Variants in CAMKMT observed in about 807,000 individuals in gnomAD.
CAMKMT encodes calmodulin-lysine N-methyltransferase.
A neutral mutation model predicts 48.0 loss-of-function variants in CAMKMT; 53 were observed. That is an observed-to-expected ratio of 1.10 (90% CI 0.89 to 1.39). CAMKMT has a LOEUF of 1.39. Ranked by LOEUF, CAMKMT falls within the 40% of genes most tolerant of loss-of-function variation. The probability of loss-of-function intolerance (pLI) is 0.00; values close to 1 mark genes in which losing one functional copy is unlikely to be tolerated. For synonymous variants in CAMKMT, 165 were observed against 152.3 expected (o/e 1.08, Z -0.61); for missense variants, 428 against 402.7 (o/e 1.06, Z -0.54).
At chr2:44,475,883 C>T (rs1668663933) in intron 3 of CAMKMT, among the ~76,000 whole-genome samples, 1 of 152,202 alleles carries the variant, frequency 6.6e-6, no homozygotes, top group South Asian at 2.1e-4. Flanking sequence ...TGACTGCATT[C>T]TCTGAGAACC....
intron 3 of CAMKMT, among the ~76,000 whole-genome samples, chr2:44,445,010 G>T (rs1412448100): frequency 6.6e-6 from 1 of 152,160 alleles, no homozygotes; most frequent in Non-Finnish European, 1.5e-5. Flanking sequence ...GGGATCTAGA[G>T]GCAGATGATA....
intron 3 of CAMKMT, among the ~76,000 whole-genome samples, chr2:44,625,495 A>T (rs1241705110): frequency 6.6e-6 from 1 of 152,030 alleles, no homozygotes; most frequent in Non-Finnish European, 1.5e-5. Flanking sequence ...CTGTCTTTTT[A>T]AGAGCAGAAG....
chr2:44,548,389 G>T (rs1667517555), intron 3 of CAMKMT, among the ~76,000 whole-genome samples: 1 of 152,166 alleles, frequency 6.6e-6, no homozygotes, highest in East Asian at 1.9e-4. Flanking sequence ...TTCTAAGCTA[G>T]AAAGCCATGG....
chr2:44,411,517 T>C (rs1390250287), intron 3 of CAMKMT, among the ~76,000 whole-genome samples: 1 of 152,206 alleles, frequency 6.6e-6, no homozygotes, highest in Non-Finnish European at 1.5e-5. Context: ...TTAGGTAACC[T>C]ACAGATTCTC....
At chr2:44,569,786 G>T (rs1668809983) in intron 3 of CAMKMT, among the ~76,000 whole-genome samples, 2 of 152,176 alleles carry the variant, frequency 1.3e-5, no homozygotes, top group Non-Finnish European at 2.9e-5. Flanking sequence ...CAAATAAAAT[G>T]CTCTTTGTTG....
Position 44,741,430 on chromosome 2 carries a change from G to C in CAMKMT, c.624-2192G>C, listed in dbSNP as rs1196190964. Among the ~76,000 whole-genome samples the C allele has an allele frequency of 2.0e-5, 3 of 152,190 alleles. No homozygotes were observed. The South Asian group carries it at 6.2e-4, about 32-fold the overall frequency. On this transcript the variant is annotated intron_variant, in intron 7 of 10. Transcript: ENST00000378494. ...CATGAACAATACAACTCCAGGTACT[G>C]TATGAATGGTGCTCTTAGAATGTTC... is the stretch of plus-strand genomic sequence containing the variant.
chr2:44,601,790 T>C (rs920364088), intron 3 of CAMKMT, among the ~76,000 whole-genome samples: 8 of 151,978 alleles, frequency 5.3e-5, no homozygotes, highest in Non-Finnish European at 1.0e-4. Context: ...TCCTCTCAAT[T>C]CTCTTAATTA....
Position 44,524,817 on chromosome 2 carries a change from A to G in CAMKMT, c.376+134512A>G, listed in dbSNP as rs1446184098. Reference sequence around the variant, plus strand: ...TTAATCCACCAGGCCTTGGCACAGTACTTGGAATCCAGCAAATGTTTTTGG... The same window carrying G: ...TTAATCCACCAGGCCTTGGCACAGTGCTTGGAATCCAGCAAATGTTTTTGG... On this transcript the variant is annotated intron_variant, in intron 3 of 10. Coordinates refer to ENST00000378494, the MANE Select transcript of CAMKMT (RefSeq NM_024766.5). 3.3e-5 allele frequency among the ~76,000 whole-genome samples: 5 copies of G among 152,330 alleles called. No individual in the cohort carries two copies. The East Asian group carries it at 5.8e-4, about 18-fold the overall frequency.
At chr2:44,543,497 G>C (rs1371544538) in intron 3 of CAMKMT, among the ~76,000 whole-genome samples, 1 of 152,146 alleles carries the variant, frequency 6.6e-6, no homozygotes, top group African/African-American at 2.4e-5. Flanking sequence ...CAGGATTAAG[G>C]CTACAAAGAA....
chr2:44,622,254 C>A (rs146986321), intron 3 of CAMKMT, among the ~76,000 whole-genome samples: 1 of 152,110 alleles, frequency 6.6e-6, no homozygotes, highest in East Asian at 1.9e-4. Flanking sequence ...TGTCTGGTGT[C>A]TTTTTAGCTT....
At chr2:44,485,495 A>G (rs531037414) in intron 3 of CAMKMT, among the ~76,000 whole-genome samples, 1 of 152,312 alleles carries the variant, frequency 6.6e-6, no homozygotes, top group East Asian at 1.9e-4. Context: ...ACGTTCTGAG[A>G]AATGTGTCCT....
At chr2:44,621,063 C>CA (rs1305680591) in intron 3 of CAMKMT, among the ~76,000 whole-genome samples, 2 of 151,972 alleles carry the variant, frequency 1.3e-5, no homozygotes, top group Non-Finnish European at 2.9e-5. Flanking sequence ...GGTCAGGAGA[C>CA]AGAGACCATC....
intron 3 of CAMKMT, among the ~76,000 whole-genome samples, chr2:44,515,506 C>T (rs1450705679): frequency 1.3e-5 from 2 of 152,162 alleles, no homozygotes; most frequent in Non-Finnish European, 2.9e-5. Flanking sequence ...CTGTCAGTCA[C>T]AGAGATCTTA....
chr2:44,671,978 T>C (rs891559497), intron 3 of CAMKMT, among the ~76,000 whole-genome samples: 2 of 152,138 alleles, frequency 1.3e-5, no homozygotes, highest in African/African-American at 2.4e-5. Context: ...GTGATTAATA[T>C]ACTTTTAACT....
At chr2:44,634,423 C>T (rs1673007389) in intron 3 of CAMKMT, among the ~76,000 whole-genome samples, 1 of 151,996 alleles carries the variant, frequency 6.6e-6, no homozygotes, top group Admixed American at 6.6e-5. Context: ...ATATTTTGTC[C>T]AGTTTTCCAA....
intron 3 of CAMKMT, among the ~76,000 whole-genome samples, chr2:44,641,152 A>G (rs760752277): frequency 7.9e-5 from 12 of 152,198 alleles, no homozygotes; most frequent in Non-Finnish European, 1.5e-4. Context: ...TGGTATAGAT[A>G]TATAAATATC....
intron 3 of CAMKMT, among the ~76,000 whole-genome samples, chr2:44,402,864 A>G (rs1359401923): frequency 7.0e-6 from 1 of 142,026 alleles, no homozygotes; most frequent in Non-Finnish European, 1.5e-5. Flanking sequence ...TTTCCCCCAT[A>G]GCATTCTTTT....
intron 3 of CAMKMT, among the ~76,000 whole-genome samples, chr2:44,404,354 T>C (rs1476062009): frequency 6.6e-6 from 1 of 152,148 alleles, no homozygotes; most frequent in African/African-American, 2.4e-5. Context: ...TGTACATATG[T>C]ATGCATTTTC....
chr2:44,494,538 A>C (rs1334761489), intron 3 of CAMKMT, among the ~76,000 whole-genome samples: 1 of 152,242 alleles, frequency 6.6e-6, no homozygotes, highest in Non-Finnish European at 1.5e-5. Context: ...AACATAAAAC[A>C]CTAGGACATA....
Sources: allele counts gnomAD v4.1 joint callset (sites outside exome capture counted in the v4.1 genomes callset), GRCh38; gene constraint gnomAD v4.1.1; transcripts MANE v1.5; gene names NCBI Gene and HGNC (gene_info 2026-07-23, HGNC 2026-07-21).